Variants in CCDC171 observed in about 807,000 individuals in gnomAD.
CCDC171 encodes the protein coiled-coil domain containing 171.
In CCDC171, 177 loss-of-function variants were observed where a neutral mutation model predicts 168.2. The observed-to-expected ratio is 1.05, with a 90% CI of 0.93 to 1.19. The LOEUF is 1.19. CCDC171 is among the 50% of genes most tolerant of loss of function. The pLI is 0.00. For missense variants in CCDC171, 1,991 were observed against 1,539.0 expected (o/e 1.29, Z -4.91); for synonymous variants, 687 against 540.8 (o/e 1.27, Z -3.75).
chr9:15,987,028 G>A (rs188617134), intron 3 of CCDC171, among the ~76,000 whole-genome samples: 23 of 151,974 alleles, frequency 1.5e-4, no homozygotes, highest in African/African-American at 5.5e-4. Context: ...AACTATGAAT[G>A]TACTAGAAAT....
chr9:15,588,398 C>T (rs938127570), intron 4 of CCDC171: 3 of 273,838 alleles, frequency 1.1e-5, no homozygotes, highest in East Asian at 1.3e-4. Context: ...GGAGATAAAG[C>T]CAAGCTACAG....
intron 11 of CCDC171, among the ~76,000 whole-genome samples, chr9:15,703,529 G>T (rs2051959126): frequency 6.6e-6 from 1 of 152,028 alleles, no homozygotes; most frequent in African/African-American, 2.4e-5. Context: ...TTCTGTGCCA[G>T]GCTTATTTCA....
intron 3 of CCDC171, among the ~76,000 whole-genome samples, chr9:16,017,395 A>G (rs1471446755): frequency 6.6e-6 from 1 of 152,068 alleles, no homozygotes; most frequent in Non-Finnish European, 1.5e-5. Flanking sequence ...ACGCATAATT[A>G]TTTTACATTC....
upstream of CCDC171, among the ~76,000 whole-genome samples, chr9:16,042,423 C>T (rs559318669): frequency 6.6e-6 from 1 of 152,288 alleles, no homozygotes; most frequent in Non-Finnish European, 1.5e-5. Flanking sequence ...CTGGGTAGGA[C>T]CAGCTTCAGG....
rs1205797853 is a variant in CCDC171, at chr9:15,793,554, T to TG, written c.3267+8860_3267+8861insG. Among the ~76,000 whole-genome samples, 118 of 41,718 alleles carry TG rather than the reference T, an allele frequency of 2.8e-3. No individual in the cohort carries two copies. The South Asian group carries it at 0.038, about 13-fold the overall frequency. 27.4% of individuals were successfully genotyped at this position (41,718 alleles called of 152,430 possible). A position where few individuals can be genotyped will look rare whatever the true frequency, so the allele number is the denominator to read the frequency against. Reference sequence around the variant, plus strand: ...ACCACATCGCACTTATTCCAAGGTTTTTTTTTTTTTTTTTTTTTTTTTTTT... The same window carrying TG: ...ACCACATCGCACTTATTCCAAGGTTTGTTTTTTTTTTTTTTTTTTTTTTTTT... On this transcript the variant is annotated intron_variant, in intron 21 of 25. Coordinates refer to ENST00000380701, the MANE Select transcript of CCDC171 (RefSeq NM_173550.4).
chr9:15,764,657 G>C (rs1362162705), intron 18 of CCDC171, among the ~76,000 whole-genome samples: 1 of 152,178 alleles, frequency 6.6e-6, no homozygotes, highest in African/African-American at 2.4e-5. Context: ...TATTAGACTC[G>C]TAAGTGTCAA....
chr9:15,748,720 A>T (rs996347253), intron 18 of CCDC171, among the ~76,000 whole-genome samples: 3 of 152,220 alleles, frequency 2.0e-5, no homozygotes, highest in Non-Finnish European at 4.4e-5. Flanking sequence ...ATCCAGCCAA[A>T]CTATGCTTCT....
At position 15,641,805 on chromosome 9, in the gene CCDC171, G is replaced by A. The variant is rs375458856; in HGVS notation, c.823-15322G>A. Among the ~76,000 whole-genome samples the A allele has an allele frequency of 3.9e-5, 6 of 152,158 alleles. No homozygotes were observed. In the South Asian group the frequency reaches 6.2e-4, roughly 16 times the overall value. On this transcript the variant is annotated intron_variant, in intron 7 of 25. Coordinates refer to ENST00000380701, the MANE Select transcript of CCDC171 (RefSeq NM_173550.4). Reference sequence around the variant, plus strand: ...AAAAATCTCTTGGCAGTACATTGCTGTAGGAAAGGACATGGCAGTCAGCTT... The same window carrying A: ...AAAAATCTCTTGGCAGTACATTGCTATAGGAAAGGACATGGCAGTCAGCTT...
chr9:15,637,897 C>G (rs1023047072), intron 7 of CCDC171, among the ~76,000 whole-genome samples: 11 of 152,086 alleles, frequency 7.2e-5, no homozygotes, highest in Admixed American at 2.0e-4. Context: ...GGTTCCAAGT[C>G]TTTGCTATTG....
intron 3 of CCDC171, among the ~76,000 whole-genome samples, chr9:15,988,484 G>C (rs1312856453): frequency 6.6e-6 from 1 of 152,188 alleles, no homozygotes; most frequent in Non-Finnish European, 1.5e-5. Flanking sequence ...CCAGTCTACA[G>C]TTCCCAGCTT....
rs1368263516 is a variant in CCDC171 at position 15,666,196 on chromosome 9, G to C, written c.949G>C (p.Val317Leu). 2 of 1,613,772 alleles carry C rather than the reference G, an allele frequency of 1.2e-6. No individual in the cohort carries two copies. The highest frequency in any genetic ancestry group is 4.5e-5 in the East Asian group (2 of 44,838). The change falls in exon 9 of 26, where the codon GTA becomes CTA. Residue 317 changes from valine (V) to leucine (L), a missense_variant. By Grantham distance (32) the Val-to-Leu change is conservative (BLOSUM62 1). Transcript: ENST00000380701. ...RIRDLEGALQ[V>L]EKASQAEAVA... ...TCGAGACCTTGAAGGAGCTTTGCAAGTAGAGAAGGCCAGTCAAGCAGAAGC... is the reference window on the plus strand; with the variant it reads ...TCGAGACCTTGAAGGAGCTTTGCAACTAGAGAAGGCCAGTCAAGCAGAAGC...
At chr9:15,846,661 A>T in intron 21 of CCDC171, 41 bp from the exon 22 acceptor site, 1 of 1,598,614 alleles carries the variant, frequency 6.3e-7, no homozygotes, top group South Asian at 1.1e-5. Flanking sequence ...GAAGTTAATT[A>T]TCAGGGCTGA....
chr9:15,963,952 C>T (rs765150574), intron 25 of CCDC171, among the ~76,000 whole-genome samples: 57 of 152,184 alleles, frequency 3.7e-4, no homozygotes, highest in Middle Eastern at 3.2e-3. Flanking sequence ...TAGGAAGTGT[C>T]TGTAAACGGA....
At chr9:15,843,617 G>T (rs773276920) in intron 21 of CCDC171, among the ~76,000 whole-genome samples, 7 of 151,766 alleles carry the variant, frequency 4.6e-5, no homozygotes, top group Non-Finnish European at 8.8e-5. Context: ...ATTTCATCAG[G>T]GGTTTAATTA....
At chr9:15,789,946 G>T (rs1249686677) in intron 21 of CCDC171, among the ~76,000 whole-genome samples, 1 of 151,974 alleles carries the variant, frequency 6.6e-6, no homozygotes, top group Non-Finnish European at 1.5e-5. Flanking sequence ...CTTTTTTATG[G>T]CTGCATAGTA....
intron 7 of CCDC171, among the ~76,000 whole-genome samples, chr9:15,629,576 G>A (rs1408665150): frequency 6.6e-6 from 1 of 152,210 alleles, no homozygotes; most frequent in East Asian, 1.9e-4. Flanking sequence ...ATGACGGGGA[G>A]AATGGAACCA....
At chr9:16,029,017 C>A (rs1833323562) in intron 6 of CCDC171, among the ~76,000 whole-genome samples, 1 of 152,056 alleles carries the variant, frequency 6.6e-6, no homozygotes, top group Admixed American at 6.6e-5. Flanking sequence ...CATAGAGCCC[C>A]CTCTTGGCCT....
chr9:15,880,461 C>CT (rs1233710792), intron 24 of CCDC171, among the ~76,000 whole-genome samples: 9 of 62,004 alleles, frequency 1.5e-4, no homozygotes, highest in Non-Finnish European at 3.1e-4. Context: ...CTCTCTCTCT[C>CT]TCTTTTTTTT....
At chr9:16,020,635 T>G (rs1007140964) in exon 4 of CCDC171, 1 of 154,374 alleles carries the variant, frequency 6.5e-6, no homozygotes, top group African/African-American at 2.4e-5. Context: ...AAAATAAAAG[T>G]TACTTGAACA....
Sources: gnomAD v4.1 joint callset for allele counts (sites outside exome capture counted in the v4.1 genomes callset) on GRCh38, gnomAD v4.1.1 for gene constraint, MANE v1.5 for transcripts, NCBI Gene and HGNC (gene_info 2026-07-23, HGNC 2026-07-21) for gene names.